Variants in ADCY8 observed in about 807,000 individuals in gnomAD.
ADCY8 encodes the protein adenylate cyclase 8, also known as adenylate cyclase type 8.
In ADCY8, 51 loss-of-function variants were observed where a neutral mutation model predicts 119.7. That is an observed-to-expected ratio of 0.43 (90% confidence interval 0.34 to 0.54). The LOEUF (loss-of-function observed/expected upper bound fraction) is 0.54. ADCY8 is among the 20% of genes least tolerant of loss of function. The pLI is 0.03. For synonymous variants in ADCY8, 665 were observed against 651.0 expected (o/e 1.02, Z -0.33); for missense variants, 1,383 against 1,598.8 (o/e 0.87, Z 2.30).
At chr8:130,845,985 C>T (rs1179409837) in intron 11 of ADCY8, among the ~76,000 whole-genome samples, 1 of 152,090 alleles carries the variant, frequency 6.6e-6, no homozygotes, top group East Asian at 1.9e-4. Flanking sequence ...ACAGTAATAG[C>T]CTCTACCCCA....
intron 9 of ADCY8, among the ~76,000 whole-genome samples, chr8:130,864,090 T>C (rs938780362): frequency 1.3e-5 from 2 of 152,130 alleles, no homozygotes; most frequent in African/African-American, 4.8e-5. Flanking sequence ...AGGTTGATGG[T>C]TTTTCTTTTA....
chr8:130,857,672 C>T (rs1422052242), intron 9 of ADCY8, among the ~76,000 whole-genome samples: 2 of 152,180 alleles, frequency 1.3e-5, no homozygotes, highest in Admixed American at 6.5e-5. Context: ...ATGGCTGTCT[C>T]TCTTGTTTGT....
chr8:130,907,536 G>C (rs558473060), intron 6 of ADCY8, among the ~76,000 whole-genome samples: 2 of 152,056 alleles, frequency 1.3e-5, no homozygotes, highest in Non-Finnish European at 2.9e-5. Flanking sequence ...TTTTTAAGGC[G>C]GATAATGTTT....
chr8:130,968,288 G>A (rs1586615781), intron 2 of ADCY8, among the ~76,000 whole-genome samples: 1 of 151,776 alleles, frequency 6.6e-6, no homozygotes, highest in Non-Finnish European at 1.5e-5. Flanking sequence ...TCCTGACTCA[G>A]CCTCCTGAGT....
intron 1 of ADCY8, among the ~76,000 whole-genome samples, chr8:130,994,216 T>G (rs1822693420): frequency 6.6e-6 from 1 of 152,274 alleles, no homozygotes; most frequent in Non-Finnish European, 1.5e-5. Flanking sequence ...TAACTTTTTC[T>G]TCACAGATTG....
chr8:130,979,194 C>T (rs113902084), intron 2 of ADCY8, among the ~76,000 whole-genome samples: 1,839 of 152,258 alleles, frequency 0.012, 46 homozygotes, highest in African/African-American at 0.042. Flanking sequence ...CCCTGAAGAA[C>T]GCACTATCCT....
At chr8:130,919,148 G>A (rs573868609) in intron 5 of ADCY8, among the ~76,000 whole-genome samples, 9 of 152,264 alleles carry the variant, frequency 5.9e-5, no homozygotes, top group Admixed American at 2.0e-4. Flanking sequence ...GGTCAGTATC[G>A]CATGTCCAAA....
At chr8:130,806,347 C>T (rs1005478260) in intron 14 of ADCY8, among the ~76,000 whole-genome samples, 4 of 152,210 alleles carry the variant, frequency 2.6e-5, no homozygotes, top group Admixed American at 6.5e-5. Context: ...GGAGCCATCA[C>T]AGCTTCCCAC....
chr8:130,806,324 C>G (rs1022949584), intron 14 of ADCY8, among the ~76,000 whole-genome samples: 1 of 152,178 alleles, frequency 6.6e-6, no homozygotes, highest in African/African-American at 2.4e-5. Flanking sequence ...TTCTCCTTGT[C>G]CCTTTCAGCC....
chr8:130,968,081 T>C (rs1586615476), intron 2 of ADCY8, among the ~76,000 whole-genome samples: 2 of 151,940 alleles, frequency 1.3e-5, no homozygotes, highest in South Asian at 4.1e-4. Flanking sequence ...GGAGAGAGAA[T>C]GAAGAGTGGT....
At chr8:131,017,121 G>A (rs1042111691) in intron 1 of ADCY8, among the ~76,000 whole-genome samples, 1 of 151,524 alleles carries the variant, frequency 6.6e-6, no homozygotes, top group South Asian at 2.1e-4. Flanking sequence ...TAAGGCTGGA[G>A]TGCAGCGGCA....
chr8:130,850,898 T>C lies in ADCY8; in HGVS notation c.2211-1095A>G, dbSNP rs1002090829. 4.6e-5 allele frequency among the ~76,000 whole-genome samples: 7 copies of C among 152,228 alleles called. No homozygotes were observed. The South Asian group carries it at 1.4e-3, about 32-fold the overall frequency. On this transcript the variant is annotated intron_variant, in intron 9 of 17. Transcript: ENST00000286355. The stretch of plus-strand genomic sequence containing the variant: ...GTTAGCCACTATGCTGAGCATTTTA[T>C]ATATAATATCTAATTTCCATTCCTT...
At chr8:130,847,637 G>C (rs1307057840) in intron 10 of ADCY8, 124 bp from the exon 11 acceptor site, 2 of 718,190 alleles carry the variant, frequency 2.8e-6, no homozygotes, top group Non-Finnish European at 4.7e-6. Context: ...AGCCTGGGTA[G>C]ACTGAACCCT....
At chr8:130,987,811 C>T (rs1486099494) in intron 2 of ADCY8, among the ~76,000 whole-genome samples, 1 of 152,168 alleles carries the variant, frequency 6.6e-6, no homozygotes, top group African/African-American at 2.4e-5. Context: ...TTGCTATGCA[C>T]TTAAGGAGAG....
chr8:130,838,457 C>T (rs941559588), intron 11 of ADCY8, among the ~76,000 whole-genome samples: 5 of 152,114 alleles, frequency 3.3e-5, no homozygotes, highest in African/African-American at 1.2e-4. Flanking sequence ...TCTGAAGTGA[C>T]TGGGCAATAA....
intron 1 of ADCY8, among the ~76,000 whole-genome samples, chr8:130,992,747 T>C (rs1365679752): frequency 3.3e-5 from 5 of 151,960 alleles, no homozygotes; most frequent in Non-Finnish European, 5.9e-5. Context: ...TATGAAAAGG[T>C]TTTAGTAGTT....
chr8:130,824,549 G>T (rs1816615559), intron 12 of ADCY8, among the ~76,000 whole-genome samples: 1 of 152,120 alleles, frequency 6.6e-6, no homozygotes, highest in African/African-American at 2.4e-5. Context: ...AACCTGCAGG[G>T]CCTAGTAAAA....
At chr8:130,825,519 T>C (rs1440283426) in intron 12 of ADCY8, among the ~76,000 whole-genome samples, 1 of 152,164 alleles carries the variant, frequency 6.6e-6, no homozygotes, top group African/African-American at 2.4e-5. Flanking sequence ...TGTATTCATA[T>C]TTTGTGTTGT....
intron 15 of ADCY8, among the ~76,000 whole-genome samples, chr8:130,786,086 C>G (rs974961512): frequency 6.6e-6 from 1 of 152,170 alleles, no homozygotes; most frequent in African/African-American, 2.4e-5. Flanking sequence ...ACGCAGCATC[C>G]CATTCCCACA....
Sources: allele counts gnomAD v4.1 joint callset (sites outside exome capture counted in the v4.1 genomes callset), GRCh38; gene constraint gnomAD v4.1.1; transcripts MANE v1.5; gene names NCBI Gene and HGNC (gene_info 2026-07-23, HGNC 2026-07-21).